Variants in GPR78 observed in about 807,000 individuals in gnomAD.
The protein encoded by GPR78 is G protein-coupled receptor 78.
In GPR78, 29 loss-of-function variants were observed where a neutral mutation model predicts 17.9. The observed-to-expected ratio is 1.62, with a 90% CI of 1.20 to 2.21. The LOEUF (loss-of-function observed/expected upper bound fraction) is 2.21. Ranked by LOEUF, GPR78 falls within the 30% of genes most tolerant of loss-of-function variation. The pLI is 0.00. For missense variants in GPR78, 649 were observed against 530.5 expected (o/e 1.22, Z -2.19); for synonymous variants, 349 against 256.9 (o/e 1.36, Z -3.43).
In GPR78 at chr4:8,587,986, C is replaced by T. The variant is rs1007025274; in HGVS notation, c.*623C>T. Among the ~76,000 whole-genome samples the T allele has an allele frequency of 3.3e-5, 5 of 152,300 alleles. No individual in the cohort carries two copies. The highest frequency in any genetic ancestry group is 3.4e-3 in the Middle Eastern group (1 of 294). ...AGGGGTCCCCAGCTCCAGGCCTGTC[C>T]GCTGTGACTGCCTGTGTGGGCACGC... On this transcript the variant is annotated 3_prime_UTR_variant, in exon 3 of 3. Coordinates refer to ENST00000382487, the MANE Select transcript of GPR78 (RefSeq NM_080819.5).
intron 2 of GPR78, among the ~76,000 whole-genome samples, chr4:8,586,715 T>C (rs1713522599): frequency 6.6e-6 from 1 of 152,170 alleles, no homozygotes; most frequent in Non-Finnish European, 1.5e-5. Flanking sequence ...TGTGTGCAGG[T>C]GTCCGCGGCA....
At chr4:8,582,794 C>A in intron 2 of GPR78, 150 bp downstream of exon 2, 1 of 614,252 alleles carries the variant, frequency 1.6e-6, no homozygotes, top group Non-Finnish European at 2.9e-6. Flanking sequence ...CAGGGCTGTG[C>A]TTCAGCTCCT....
At position 8,588,482 on chromosome 4, in the gene GPR78, C is replaced by T. The variant is rs1038622180; in HGVS notation, c.*1119C>T. Among the ~76,000 whole-genome samples the T allele has an allele frequency of 1.3e-5, 2 of 152,224 alleles. No homozygotes were observed. Among genetic ancestry groups the T allele is most frequent in the Non-Finnish European group, 2.9e-5 (2 of 68,048 alleles). ...AAGGTGCACAGTGCACACGGGCACC[C>T]GGTGGAGAGGTGTGTGTGTGAATGA... On this transcript the variant is annotated 3_prime_UTR_variant, in exon 3 of 3. Coordinates refer to ENST00000382487, the MANE Select transcript of GPR78 (RefSeq NM_080819.5).
rs143649237 is a variant in GPR78 at position 8,582,579 on chromosome 4, C to T, written c.717C>T (p.Ala239=). Residue 239 remains alanine, a synonymous_variant, in exon 2 of 3, where the codon GCC becomes GCT. Transcript: ENST00000382487. ...AGCAGAAGCGGCGCCGCCACCGCGC[C>T]ACCAGGAAGATTGGCATTGCTATTG... ...LIQQKRRRHR[A]TRKIGIAIAT... is the part of the protein sequence containing the mutation. 4 of 1,613,004 alleles carry T rather than the reference C, an allele frequency of 2.5e-6. No individual in the cohort carries two copies. In the African/African-American group the frequency reaches 5.3e-5, roughly 22 times the overall value.
In GPR78 at chr4:8,581,031, GC is replaced by G; in HGVS notation, c.51del (p.Val18TrpfsTer29). The G allele has an allele frequency of 6.2e-7, 1 of 1,601,334 alleles. No homozygotes were observed. The highest frequency in any genetic ancestry group is 8.5e-7 in the Non-Finnish European group (1 of 1,176,028). ...GGCGGGTCTCCTGGTGATGGTACTG[GC>G]CGTGGCGCTGCTATCCAACGCACTG... ...LLAGLLVMVLAVALLSNALVL... is the reference protein window; with the variant it reads ...LLAGLLVMVLXVALLSNALVL... On this transcript the variant is annotated frameshift_variant, in exon 1 of 3. Transcript: ENST00000382487. LOFTEE classifies it high-confidence loss of function.
At chr4:8,586,118 C>G (rs4235274) in intron 2 of GPR78, among the ~76,000 whole-genome samples, 35,159 of 152,098 alleles carry the variant, frequency 0.23, 4,847 homozygotes, top group African/African-American at 0.38. Flanking sequence ...GCCTCGTCCT[C>G]ACTCTGTGGC....
In GPR78 at chr4:8,581,111, C is replaced by T. The variant is rs1713259820; in HGVS notation, c.129C>T (p.Val43=). 2.5e-6 allele frequency: 4 copies of T among 1,606,354 alleles called. No individual in the cohort carries two copies. The African/African-American group carries it at 5.3e-5, about 21-fold the overall frequency. Residue 43 remains valine, a synonymous_variant, in exon 1 of 3, where the codon GTC becomes GTT. Coordinates refer to ENST00000382487, the MANE Select transcript of GPR78 (RefSeq NM_080819.5). ...SAELRTRASG[V]LLVNLSLGHL... is the part of the protein sequence containing the mutation. ...AGCTCCGCACTCGAGCCTCAGGCGTCCTCCTGGTGAATCTGTCTCTGGGCC... is the reference window on the plus strand; with the variant it reads ...AGCTCCGCACTCGAGCCTCAGGCGTTCTCCTGGTGAATCTGTCTCTGGGCC...
At position 8,587,337 on chromosome 4, in the gene GPR78, G is replaced by A; in HGVS notation, c.1066G>A (p.Asp356Asn). 6.2e-7 allele frequency: 1 copy of A among 1,612,990 alleles called. No homozygotes were observed. Among genetic ancestry groups the A allele is most frequent in the Non-Finnish European group, 8.5e-7 (1 of 1,179,916 alleles). The change falls in exon 3 of 3, where the codon GAT becomes AAT. Residue 356 changes from aspartate (D) to asparagine (N), a missense_variant. By Grantham distance (23) the Asp-to-Asn change is conservative. Transcript: ENST00000382487. ...THNGSVDTEN[D>N]SCLQQTH ...CAACGGCTCTGTGGACACAGAGAAT[G>A]ATTCCTGCCTGCAGCAGACACACTG... is the stretch of plus-strand genomic sequence containing the variant.
Position 8,581,749 on chromosome 4 carries a change from G to T in GPR78, c.668+99G>T, listed in dbSNP as rs535099738. On this transcript the variant is annotated intron_variant, in intron 1 of 2. Transcript: ENST00000382487. Reference sequence around the variant, plus strand: ...CTGTGGGCATCACCACCGTTACTCCGCCCAGAGTTCACCAGCCACAGCACT... The same window carrying T: ...CTGTGGGCATCACCACCGTTACTCCTCCCAGAGTTCACCAGCCACAGCACT... The T allele has an allele frequency of 7.5e-5, 67 of 890,842 alleles. No individual in the cohort carries two copies. The Admixed American group carries it at 1.0e-3, about 13-fold the overall frequency. 55.2% of individuals were successfully genotyped at this position (890,842 alleles called of 1,614,324 possible). A position where few individuals can be genotyped will look rare whatever the true frequency, so the allele number is the denominator to read the frequency against.
chr4:8,581,529 C>A lies in GPR78; in HGVS notation c.547C>A (p.Leu183Met), dbSNP rs755449824. ...TATLHAVGFV[L>M]PLAVLCLTSL... ...CACGCTCCATGCCGTGGGCTTCGTG[C>A]TGCCGCTGGCGGTGCTCTGCCTCAC... Residue 183 changes from leucine to methionine, a missense_variant, in exon 1 of 3, where the codon CTG becomes ATG. By Grantham distance (15) the Leu-to-Met change is conservative. Coordinates refer to ENST00000382487, the MANE Select transcript of GPR78 (RefSeq NM_080819.5). 6 of 1,589,048 alleles carry A rather than the reference C, an allele frequency of 3.8e-6. No individual in the cohort carries two copies. Among genetic ancestry groups the A allele is most frequent in the Non-Finnish European group, 5.1e-6 (6 of 1,175,644 alleles).
At chr4:8,584,024 G>A (rs566528447) in intron 2 of GPR78, among the ~76,000 whole-genome samples, 49 of 152,336 alleles carry the variant, frequency 3.2e-4, no homozygotes, top group African/African-American at 1.1e-3. Flanking sequence ...TCATGTTTGT[G>A]TGTATGTGTG....
chr4:8,584,688 C>T (rs545071722), intron 2 of GPR78, among the ~76,000 whole-genome samples: 37 of 152,304 alleles, frequency 2.4e-4, no homozygotes, highest in African/African-American at 7.7e-4. Context: ...ACGGACCTGC[C>T]TCACAGGCGC....
At position 8,581,653 on chromosome 4, in the gene GPR78, A is replaced by G; in HGVS notation, c.668+3A>G. 1.4e-6 allele frequency: 2 copies of G among 1,466,556 alleles called. No individual in the cohort carries two copies. The highest frequency in any genetic ancestry group is 2.4e-5 in the Admixed American group (1 of 41,962). The allele number at this position is 1,466,556 out of a possible 1,614,324, so 90.8% of individuals were successfully genotyped here. On this transcript the variant is annotated splice_donor_region_variant and intron_variant, in intron 1 of 2. Transcript: ENST00000382487. ...CTGCTCGCCGACCTGCACCCCAGGT[A>G]TTGGCCCAGTGCATGCCGACAGGCC... is the stretch of plus-strand genomic sequence containing the variant.
In GPR78 at chr4:8,583,675, G is replaced by A. The variant is rs1472216393; in HGVS notation, c.782+1031G>A. On this transcript the variant is annotated intron_variant, in intron 2 of 2. Transcript: ENST00000382487. ...GACTGCTTGTCTTCCCAGGTTACTG[G>A]GTGGCTTAGATATGTTGTTGGGTGG... is the stretch of plus-strand genomic sequence containing the variant. Among the ~76,000 whole-genome samples, 5 of 143,272 alleles carry A rather than the reference G, an allele frequency of 3.5e-5. No homozygotes were observed. In the South Asian group the frequency reaches 7.7e-4, roughly 22 times the overall value. 94.0% of individuals were successfully genotyped at this position (143,272 alleles called of 152,430 possible).
intron 2 of GPR78, among the ~76,000 whole-genome samples, chr4:8,584,224 T>C (rs1713409550): frequency 6.6e-6 from 1 of 152,132 alleles, no homozygotes; most frequent in Non-Finnish European, 1.5e-5. Flanking sequence ...TACTCAGCCA[T>C]ATTATGTTGA....
chr4:8,583,989 C>A (rs765195249), intron 2 of GPR78, among the ~76,000 whole-genome samples: 26 of 152,168 alleles, frequency 1.7e-4, no homozygotes, highest in Non-Finnish European at 3.2e-4. Flanking sequence ...ATCCTTCTCC[C>A]GGGAACCAGC....
chr4:8,580,661 G>A lies in GPR78; in HGVS notation c.-322G>A, dbSNP rs1481955337. ...GACCTCCCTCGCCCCTACGCCCCGCGCCCCTGCGCCTCGCTTCAGCCTCAG... is the reference window on the plus strand; with the variant it reads ...GACCTCCCTCGCCCCTACGCCCCGCACCCCTGCGCCTCGCTTCAGCCTCAG... On this transcript the variant is annotated 5_prime_UTR_variant, in exon 1 of 3. Transcript: ENST00000382487. 5 of 428,824 alleles carry A rather than the reference G, an allele frequency of 1.2e-5. No individual in the cohort carries two copies. Among genetic ancestry groups the A allele is most frequent in the Non-Finnish European group, 2.0e-5 (5 of 244,072 alleles). 26.6% of individuals were successfully genotyped at this position (428,824 alleles called of 1,614,324 possible). A position where few individuals can be genotyped will look rare whatever the true frequency, so the allele number is the denominator to read the frequency against.
At chr4:8,583,956 A>G (rs1211916573) in intron 2 of GPR78, among the ~76,000 whole-genome samples, 3 of 152,334 alleles carry the variant, frequency 2.0e-5, no homozygotes, top group African/African-American at 4.8e-5. Flanking sequence ...CATGGGCACA[A>G]GTGTGGATGG....
rs2109298209 is a variant in GPR78 at position 8,580,930 on chromosome 4, C to T, written c.-53C>T. 5 of 1,429,462 alleles carry T rather than the reference C, an allele frequency of 3.5e-6. No individual in the cohort carries two copies. In the South Asian group the frequency reaches 4.3e-5, roughly 12 times the overall value. The allele number at this position is 1,429,462 out of a possible 1,614,324, so 88.5% of individuals were successfully genotyped here. The stretch of plus-strand genomic sequence containing the variant: ...CCATCGCCTCACTTTCCCAGGCTCG[C>T]GCCCGAAGCAGAGCCATGAGAACCC... On this transcript the variant is annotated 5_prime_UTR_variant, in exon 1 of 3. Transcript: ENST00000382487.
Sources: gnomAD v4.1 joint callset for allele counts (sites outside exome capture counted in the v4.1 genomes callset) on GRCh38, gnomAD v4.1.1 for gene constraint, MANE v1.5 for transcripts, NCBI Gene and HGNC (gene_info 2026-07-23, HGNC 2026-07-21) for gene names.